Variants in PAFAH1B2 observed in about 807,000 individuals in gnomAD.
PAFAH1B2 encodes the protein platelet-activating factor acetylhydrolase IB subunit alpha2.
In PAFAH1B2, 8 loss-of-function variants were observed where a neutral mutation model predicts 28.0. The ratio of observed to expected loss-of-function variants is 0.29; its 90% CI spans 0.17 to 0.52. PAFAH1B2 has a LOEUF of 0.52. Among genes scored for constraint, PAFAH1B2 ranks in the 20% least tolerant of loss-of-function variants. The pLI, the probability that PAFAH1B2 is intolerant of heterozygous loss-of-function variation, is 0.97. For missense variants in PAFAH1B2, 190 were observed against 282.6 expected, an observed-to-expected ratio of 0.67 and a Z score of 2.35; for synonymous variants, 104 against 103.2, an observed-to-expected ratio of 1.01 and a Z score of -0.05.
Position 117,170,153 on chromosome 11 carries a change from C to T in PAFAH1B2, c.*2454C>T, listed in dbSNP as rs1015321595. Reference sequence around the variant, plus strand: ...AAATAGTTAATCTATTTTTCTTTGACATCCTAGTTTGCGTCAGTGACAGAA... The same window carrying T: ...AAATAGTTAATCTATTTTTCTTTGATATCCTAGTTTGCGTCAGTGACAGAA... On this transcript the variant is annotated 3_prime_UTR_variant, in exon 6 of 6. Coordinates refer to ENST00000527958, the MANE Select transcript of PAFAH1B2 (RefSeq NM_002572.4). 1 of 1,054,788 alleles carries T rather than the reference C, an allele frequency of 9.5e-7. No homozygotes were observed. Among genetic ancestry groups the T allele is most frequent in the African/African-American group, 1.7e-5 (1 of 60,494 alleles). The allele number at this position is 1,054,788 out of a possible 1,614,324, so 65.3% of individuals were successfully genotyped here.
chr11:117,171,408 C>G (rs576940558), downstream of PAFAH1B2, among the ~76,000 whole-genome samples: 1 of 152,184 alleles, frequency 6.6e-6, no homozygotes, highest in Non-Finnish European at 1.5e-5. Context: ...GCCGGGCTCA[C>G]GCCTGTAATC....
At chr11:117,160,451 A>C (rs1325079509) in intron 3 of PAFAH1B2, among the ~76,000 whole-genome samples, 3 of 152,186 alleles carry the variant, frequency 2.0e-5, no homozygotes, top group Non-Finnish European at 4.4e-5. Context: ...GGGTTTAGGC[A>C]TTCTTCCATG....
Position 117,149,419 on chromosome 11 carries a change from GTTTTCTAATCGTT to G in PAFAH1B2, c.-7-3017_-7-3005del, listed in dbSNP as rs1315887837. On this transcript the variant is annotated intron_variant, in intron 1 of 5. Coordinates refer to ENST00000527958, the MANE Select transcript of PAFAH1B2 (RefSeq NM_002572.4). ...TTTTAAAGAATTTAATTTAAAAAAAGTTTTCTAATCGTTTTTTTTTTTTTTGAGATGGAGTCTC... is the reference window on the plus strand; with the variant it reads ...TTTTAAAGAATTTAATTTAAAAAAAGTTTTTTTTTTTTGAGATGGAGTCTC... 6.4e-5 allele frequency among the ~76,000 whole-genome samples: 5 copies of G among 78,020 alleles called. 1 individual carries two copies. The highest frequency in any genetic ancestry group is 3.9e-4 in the Admixed American group (3 of 7,662). 51.2% of individuals were successfully genotyped at this position (78,020 alleles called of 152,430 possible).
chr11:117,175,097 G>C, downstream of PAFAH1B2: 2 of 1,262,262 alleles, frequency 1.6e-6, no homozygotes, highest in African/African-American at 1.5e-5. Context: ...GGCTCAGGAA[G>C]GGTGGTCCAC....
Position 117,169,402 on chromosome 11 carries a change from C to G in PAFAH1B2, c.*1703C>G, listed in dbSNP as rs114637182. ...TGGACCAGGTGGGTATTGAAGTAACCCATCAAAATATGCTCTGCAGTGATT... is the reference window on the plus strand; with the variant it reads ...TGGACCAGGTGGGTATTGAAGTAACGCATCAAAATATGCTCTGCAGTGATT... On this transcript the variant is annotated 3_prime_UTR_variant, in exon 6 of 6. Coordinates refer to ENST00000527958, the MANE Select transcript of PAFAH1B2 (RefSeq NM_002572.4). 7.7e-3 allele frequency: 8,061 copies of G among 1,051,758 alleles called. 441 individuals are homozygous for G. The African/African-American group carries it at 0.12, about 16-fold the overall frequency. 65.2% of individuals were successfully genotyped at this position (1,051,758 alleles called of 1,614,324 possible). A position where few individuals can be genotyped will look rare whatever the true frequency, so the allele number is the denominator to read the frequency against.
chr11:117,155,398 A>T (rs1303831373), intron 2 of PAFAH1B2, among the ~76,000 whole-genome samples: 4 of 152,240 alleles, frequency 2.6e-5, no homozygotes, highest in Non-Finnish European at 4.4e-5. Context: ...AAGCATAGAT[A>T]CCTTATATTA....
chr11:117,164,090 T>A, intron 5 of PAFAH1B2, 198 bp downstream of exon 5: 2 of 508,962 alleles, frequency 3.9e-6, no homozygotes, highest in Non-Finnish European at 6.9e-6. Context: ...GGCCATCTTT[T>A]ATCCACGCAT....
Position 117,169,791 on chromosome 11 carries a change from T to G in PAFAH1B2, c.*2092T>G. The G allele has an allele frequency of 9.5e-7, 1 of 1,054,316 alleles. No homozygotes were observed. The highest frequency in any genetic ancestry group is 1.1e-6 in the Non-Finnish European group (1 of 872,434). 65.3% of individuals were successfully genotyped at this position (1,054,316 alleles called of 1,614,324 possible). ...GTATAGCAAGAAGAATTAAGCCAGA[T>G]TTTTGTGTGTGGAAAGACAGTTTTC... On this transcript the variant is annotated 3_prime_UTR_variant, in exon 6 of 6. Transcript: ENST00000527958.
In PAFAH1B2 at chr11:117,168,053, G is replaced by T; in HGVS notation, c.*354G>T. ...AGATTCTTTTCTTGGCCTTTCTGTG[G>T]ATTATGTCATATATAATAATTATCA... On this transcript the variant is annotated 3_prime_UTR_variant, in exon 6 of 6. Coordinates refer to ENST00000527958, the MANE Select transcript of PAFAH1B2 (RefSeq NM_002572.4). 1 of 1,063,122 alleles carries T rather than the reference G, an allele frequency of 9.4e-7. No individual in the cohort carries two copies. The highest frequency in any genetic ancestry group is 1.1e-6 in the Non-Finnish European group (1 of 877,924). 65.9% of individuals were successfully genotyped at this position (1,063,122 alleles called of 1,614,324 possible).
In PAFAH1B2 at chr11:117,169,573, T is replaced by C. The variant is rs1213686879; in HGVS notation, c.*1874T>C. 1 of 1,054,792 alleles carries C rather than the reference T, an allele frequency of 9.5e-7. No homozygotes were observed. Among genetic ancestry groups the C allele is most frequent in the Non-Finnish European group, 1.1e-6 (1 of 872,452 alleles). 65.3% of individuals were successfully genotyped at this position (1,054,792 alleles called of 1,614,324 possible). A position where few individuals can be genotyped will look rare whatever the true frequency, so the allele number is the denominator to read the frequency against. ...CTCATTTTTTTCTTGTGAAGTCTCT[T>C]TCTAGAAAATTTTTTGGTTTTGTTC... On this transcript the variant is annotated 3_prime_UTR_variant, in exon 6 of 6. Transcript: ENST00000527958.
downstream of PAFAH1B2, among the ~76,000 whole-genome samples, chr11:117,172,379 TATATATATATATATA>T (rs1956679306): frequency 3.0e-3 from 10 of 3,368 alleles, no homozygotes; most frequent in Non-Finnish European, 5.5e-3. Flanking sequence ...TATATATATA[TATATATATATATATA>T]TATATATATA....
intron 1 of PAFAH1B2, among the ~76,000 whole-genome samples, chr11:117,145,565 C>T (rs1241463031): frequency 6.6e-6 from 1 of 152,150 alleles, no homozygotes; most frequent in Non-Finnish European, 1.5e-5. Flanking sequence ...ATAAAGGTTG[C>T]CTCCTTGTGG....
At chr11:117,166,109 C>T (rs1212397837) in intron 5 of PAFAH1B2, among the ~76,000 whole-genome samples, 1 of 152,168 alleles carries the variant, frequency 6.6e-6, no homozygotes, top group African/African-American at 2.4e-5. Flanking sequence ...TCCCAAAGTG[C>T]TGGGATTACA....
At position 117,149,430 on chromosome 11, in the gene PAFAH1B2, G is replaced by GTTTTT. The variant is rs746125678; in HGVS notation, c.-7-3001_-7-2997dup. 1.6e-3 allele frequency among the ~76,000 whole-genome samples: 141 copies of GTTTTT among 86,074 alleles called. 18 individuals carry two copies. The highest frequency in any genetic ancestry group is 5.7e-3 in the African/African-American group (122 of 21,574). The allele number at this position is 86,074 out of a possible 152,430, so 56.5% of individuals were successfully genotyped here. A position where few individuals can be genotyped will look rare whatever the true frequency, so the allele number is the denominator to read the frequency against. ...TTAATTTAAAAAAAGTTTTCTAATC[G>GTTTTT]TTTTTTTTTTTTTTGAGATGGAGTC... On this transcript the variant is annotated intron_variant, in intron 1 of 5. Coordinates refer to ENST00000527958, the MANE Select transcript of PAFAH1B2 (RefSeq NM_002572.4).
chr11:117,153,393 T>TC (rs1956196166), intron 2 of PAFAH1B2, among the ~76,000 whole-genome samples: 1 of 152,078 alleles, frequency 6.6e-6, no homozygotes, highest in Non-Finnish European at 1.5e-5. Context: ...TTGTTGTTGT[T>TC]GGTTTTTTGA....
chr11:117,174,164 TTGTG>T (rs55735449), downstream of PAFAH1B2, among the ~76,000 whole-genome samples: 10,496 of 138,808 alleles, frequency 0.076, 479 homozygotes, highest in African/African-American at 0.14. Context: ...TTCATGTCTT[TTGTG>T]TGTGTGTGTG....
intron 3 of PAFAH1B2, 92 bp downstream of exon 3, chr11:117,160,115 T>A: frequency 1.1e-6 from 1 of 909,674 alleles, no homozygotes; most frequent in Non-Finnish European, 1.8e-6. Flanking sequence ...ACTTACTTAT[T>A]TGTGACTCTT....
chr11:117,158,907 A>T (rs1956311671), intron 2 of PAFAH1B2, among the ~76,000 whole-genome samples: 1 of 152,100 alleles, frequency 6.6e-6, no homozygotes, highest in South Asian at 2.1e-4. Flanking sequence ...GGCCTCCCAA[A>T]GTGCTGGGAT....
At chr11:117,145,002 GTTGCCTCTTAGGATGTGT>G (rs1360798623) in intron 1 of PAFAH1B2, among the ~76,000 whole-genome samples, 32 of 152,094 alleles carry the variant, frequency 2.1e-4, no homozygotes, top group Admixed American at 2.1e-3. Context: ...AAACTTCTCC[GTTGCCTCTTAGGATGTGT>G]TTATTCAAAA....
Sources: allele counts gnomAD v4.1 joint callset (sites outside exome capture counted in the v4.1 genomes callset), GRCh38; gene constraint gnomAD v4.1.1; transcripts MANE v1.5; gene names NCBI Gene and HGNC (gene_info 2026-07-23, HGNC 2026-07-21).